CUX1: variants seen among roughly 807,000 people sequenced by gnomAD.
CUX1 encodes protein CASP.
Under a neutral mutation model 158.8 loss-of-function variants are expected in CUX1, and 31 were observed. That is an observed-to-expected ratio of 0.20 (90% CI 0.15 to 0.26). The LOEUF (loss-of-function observed/expected upper bound fraction) is 0.26, where lower values mean the gene tolerates loss of function less well. Ranked by LOEUF, CUX1 falls within the 10% of genes least tolerant of loss-of-function variation. The pLI, the probability that CUX1 is intolerant of heterozygous loss-of-function variation, is 1.00. For missense variants in CUX1, 1,589 were observed against 2,014.6 expected, an observed-to-expected ratio of 0.79 and a Z score of 4.04; for synonymous variants, 879 against 862.1, an observed-to-expected ratio of 1.02 and a Z score of -0.34.
downstream of CUX1, among the ~76,000 whole-genome samples, chr7:102,263,144 G>A (rs1313813779): frequency 3.3e-5 from 5 of 150,492 alleles, no homozygotes; most frequent in Non-Finnish European, 5.9e-5. Flanking sequence ...CTCCCAAGTA[G>A]CTGGGATTAC....
chr7:102,174,700 C>G (rs1792112109), intron 10 of CUX1, among the ~76,000 whole-genome samples: 2 of 152,208 alleles, frequency 1.3e-5, no homozygotes. Context: ...AATCCCAGCA[C>G]TTTGGGAGGC....
intron 4 of CUX1, among the ~76,000 whole-genome samples, chr7:102,071,935 A>T (rs1259926265): frequency 6.6e-6 from 1 of 152,174 alleles, no homozygotes; most frequent in Non-Finnish European, 1.5e-5. Context: ...GAGCTTATCT[A>T]GTTATTGGTT....
chr7:102,050,526 G>A (rs1042252523), intron 3 of CUX1, among the ~76,000 whole-genome samples: 1 of 152,104 alleles, frequency 6.6e-6, no homozygotes, highest in Admixed American at 6.6e-5. Context: ...CCTCCCTGGG[G>A]CTCCCACTGT....
chr7:102,118,739 T>TTTGTTGTTG (rs199523062), intron 8 of CUX1, among the ~76,000 whole-genome samples: 2 of 151,804 alleles, frequency 1.3e-5, no homozygotes, highest in African/African-American at 2.4e-5. Flanking sequence ...CTGGGTGGTT[T>TTTGTTGTTG]TTGTTGTTGT....
chr7:101,979,335 G>C (rs991047141), intron 2 of CUX1, among the ~76,000 whole-genome samples: 4 of 152,234 alleles, frequency 2.6e-5, no homozygotes, highest in African/African-American at 9.6e-5. Context: ...AAGGAATGAA[G>C]CGTGAATTCG....
intron 1 of CUX1, among the ~76,000 whole-genome samples, chr7:101,894,517 G>A (rs1219926299): frequency 6.6e-6 from 1 of 152,074 alleles, no homozygotes; most frequent in East Asian, 1.9e-4. Context: ...TCGCCGTGTT[G>A]GCCAGGCTGG....
chr7:101,862,113 G>A (rs1437475739), intron 1 of CUX1, among the ~76,000 whole-genome samples: 1 of 152,148 alleles, frequency 6.6e-6, no homozygotes, highest in Non-Finnish European at 1.5e-5. Context: ...GGGGTTACAG[G>A]CATGAGCCAC....
intron 1 of CUX1, among the ~76,000 whole-genome samples, chr7:101,838,531 G>T (rs1794878541): frequency 1.3e-5 from 2 of 151,512 alleles, no homozygotes; most frequent in Non-Finnish European, 2.9e-5. Context: ...GCCAGGCGCG[G>T]TAGCTCACGC....
Position 101,817,814 on chromosome 7 carries a change from T to G in CUX1, c.30+145T>G. Reference sequence around the variant, plus strand: ...GGATAGGAGGGTTCCTCAGGGCCCCTGGGGAACTGCAGCTACTCCCAACTG... The same window carrying G: ...GGATAGGAGGGTTCCTCAGGGCCCCGGGGGAACTGCAGCTACTCCCAACTG... On this transcript the variant is annotated intron_variant, in intron 1 of 23. Coordinates refer to ENST00000292535, the MANE Select transcript of CUX1 (RefSeq NM_181552.4). The surrounding 1 kb of genome is among the most constrained non-coding windows in gnomAD (Gnocchi z 4.1). 1 of 956,110 alleles carries G rather than the reference T, an allele frequency of 1.0e-6. No homozygotes were observed. The highest frequency in any genetic ancestry group is 3.1e-5 in the Admixed American group (1 of 32,500). 59.2% of individuals were successfully genotyped at this position (956,110 alleles called of 1,614,324 possible).
chr7:102,179,395 AC>A (rs1269752888), intron 11 of CUX1, among the ~76,000 whole-genome samples: 1 of 152,184 alleles, frequency 6.6e-6, no homozygotes, highest in Non-Finnish European at 1.5e-5. Flanking sequence ...GGATACCCCT[AC>A]AGGAGGAGCT....
At chr7:102,075,874 G>A (rs116327802) in intron 4 of CUX1, among the ~76,000 whole-genome samples, 2,227 of 152,288 alleles carry the variant, frequency 0.015, 38 homozygotes, top group African/African-American at 0.049. Context: ...CAGCACATGT[G>A]CATCTGAGGA....
At position 102,071,630 on chromosome 7, in the gene CUX1, T is replaced by C. The variant is rs112496672; in HGVS notation, c.268+1213T>C. 6.6e-5 allele frequency among the ~76,000 whole-genome samples: 10 copies of C among 152,120 alleles called. 1 individual carries two copies. The highest frequency in any genetic ancestry group is 2.0e-4 in the Admixed American group (3 of 15,272). ...TATCATTGACATCATTAGAGCTACA[T>C]TAACAGAGCGAGGCAGACTCAGGTC... On this transcript the variant is annotated intron_variant, in intron 4 of 23. Transcript: ENST00000292535.
intron 8 of CUX1, among the ~76,000 whole-genome samples, chr7:102,141,942 C>A: frequency 6.6e-6 from 1 of 151,898 alleles, no homozygotes; most frequent in East Asian, 1.9e-4. Flanking sequence ...TGCCTGGTCC[C>A]AACCTTTCCT....
chr7:101,906,247 G>A (rs548322124), intron 1 of CUX1, among the ~76,000 whole-genome samples: 3 of 152,004 alleles, frequency 2.0e-5, no homozygotes, highest in Admixed American at 6.6e-5. Flanking sequence ...ATGGGGAGAC[G>A]GCACCAACCC....
intron 1 of CUX1, among the ~76,000 whole-genome samples, chr7:101,838,190 C>T (rs938333174): frequency 1.3e-5 from 2 of 151,304 alleles, no homozygotes; most frequent in Admixed American, 1.3e-4. Context: ...AGTGCAGTGG[C>T]ACAATCTCGG....
chr7:102,087,506 G>A (rs540405987), intron 4 of CUX1, among the ~76,000 whole-genome samples: 1 of 152,208 alleles, frequency 6.6e-6, no homozygotes, highest in East Asian at 1.9e-4. Context: ...CTCGAACCCG[G>A]GAGACAAAGG....
chr7:101,859,554 T>C (rs1797218768), intron 1 of CUX1, among the ~76,000 whole-genome samples: 1 of 152,236 alleles, frequency 6.6e-6, no homozygotes, highest in Admixed American at 6.5e-5. Context: ...CCCAAATAAC[T>C]GTATTTATTA....
intron 20 of CUX1, among the ~76,000 whole-genome samples, chr7:102,207,808 G>T (rs1796107377): frequency 6.6e-6 from 1 of 152,110 alleles, no homozygotes; most frequent in Non-Finnish European, 1.5e-5. Context: ...ATATTTCTCT[G>T]GACCAGGAAG....
chr7:101,955,022 T>G lies in CUX1; in HGVS notation c.141+38797T>G, dbSNP rs1368495882. Among the ~76,000 whole-genome samples the G allele has an allele frequency of 2.0e-5, 3 of 151,872 alleles. No homozygotes were observed. The East Asian group carries it at 5.8e-4, about 29-fold the overall frequency. On this transcript the variant is annotated intron_variant, in intron 2 of 23. Coordinates refer to ENST00000292535, the MANE Select transcript of CUX1 (RefSeq NM_181552.4). ...CCTGTCTCTACTAAAAATGCAAAAATCAACTGGGCCTGGTGGTGCACACCT... is the reference window on the plus strand; with the variant it reads ...CCTGTCTCTACTAAAAATGCAAAAAGCAACTGGGCCTGGTGGTGCACACCT...
Sources: allele counts gnomAD v4.1 joint callset (sites outside exome capture counted in the v4.1 genomes callset), GRCh38; gene constraint gnomAD v4.1.1; non-coding constraint Gnocchi (gnomAD v3.1); transcripts MANE v1.5; gene names NCBI Gene and HGNC (gene_info 2026-07-23, HGNC 2026-07-21).